The following PIK3R4 variants were observed in gnomAD, a reference collection of about 807,000 sequenced individuals.
PIK3R4 encodes the protein phosphoinositide 3-kinase regulatory subunit 4.
Under a neutral mutation model 136.5 loss-of-function variants are expected in PIK3R4, and 46 were observed. The observed-to-expected ratio is 0.34, with a 90% CI of 0.27 to 0.43. PIK3R4 has a LOEUF of 0.43. Ranked by LOEUF, PIK3R4 falls within the 20% of genes least tolerant of loss-of-function variation. The probability of loss-of-function intolerance (pLI) is 1.00; values close to 1 mark genes in which losing one functional copy is unlikely to be tolerated. For missense variants in PIK3R4, 1,331 were observed against 1,649.5 expected, an observed-to-expected ratio of 0.81 and a Z score of 3.35; for synonymous variants, 557 against 566.7, an observed-to-expected ratio of 0.98 and a Z score of 0.24.
At chr3:130,708,139 C>A in intron 10 of PIK3R4, 152 bp downstream of exon 10, 2 of 623,724 alleles carry the variant, frequency 3.2e-6, no homozygotes, top group South Asian at 4.5e-5. Context: ...TTTTCTTCCC[C>A]AAAATCTCCC....
At chr3:130,725,938 C>T (rs2066728947) in intron 6 of PIK3R4, 1 of 152,076 alleles carries the variant, frequency 6.6e-6, no homozygotes, top group African/African-American at 2.4e-5. Flanking sequence ...CTATTTCACA[C>T]TGGATGGGTG....
intron 14 of PIK3R4, among the ~76,000 whole-genome samples, chr3:130,687,016 C>T (rs1334530923): frequency 6.6e-6 from 1 of 151,068 alleles, no homozygotes; most frequent in Non-Finnish European, 1.5e-5. Context: ...TTAGCATGTA[C>T]AGGTTAATTA....
At chr3:130,683,317 A>G (rs1007483991) in intron 16 of PIK3R4, among the ~76,000 whole-genome samples, 2 of 152,218 alleles carry the variant, frequency 1.3e-5, no homozygotes. Context: ...TTTAGTAGTT[A>G]AAGCATGAGA....
chr3:130,687,259 A>T (rs865880131), intron 14 of PIK3R4, among the ~76,000 whole-genome samples: 3 of 152,240 alleles, frequency 2.0e-5, no homozygotes, highest in Non-Finnish European at 2.9e-5. Flanking sequence ...CCATAAAGTC[A>T]GGTGTGGAAT....
intron 7 of PIK3R4, among the ~76,000 whole-genome samples, 187 bp from the exon 8 acceptor site, chr3:130,718,721 T>A (rs1480995274): frequency 6.6e-6 from 1 of 152,202 alleles, no homozygotes; most frequent in East Asian, 1.9e-4. Context: ...TATAATATTC[T>A]CTTATTATAA....
intron 13 of PIK3R4, among the ~76,000 whole-genome samples, chr3:130,696,194 G>A (rs929243276): frequency 1.3e-5 from 2 of 151,232 alleles, no homozygotes; most frequent in African/African-American, 2.4e-5. Flanking sequence ...TATAGTAAAG[G>A]TGTGCCAATT....
intron 1 of PIK3R4, among the ~76,000 whole-genome samples, chr3:130,745,565 A>T (rs1046538698): frequency 6.6e-6 from 1 of 152,186 alleles, no homozygotes; most frequent in East Asian, 1.9e-4. Flanking sequence ...TAAGCCAAAA[A>T]TGTTAGTTTG....
chr3:130,699,910 T>A (rs546262418), intron 13 of PIK3R4, among the ~76,000 whole-genome samples: 1 of 152,280 alleles, frequency 6.6e-6, no homozygotes, highest in East Asian at 1.9e-4. Flanking sequence ...CATAAAGGCT[T>A]GTGATACATA....
chr3:130,730,407 A>G lies in PIK3R4; in HGVS notation c.1486T>C (p.Phe496Leu). 2 of 1,597,138 alleles carry G rather than the reference A, an allele frequency of 1.3e-6. No homozygotes were observed. Among genetic ancestry groups the G allele is most frequent in the Non-Finnish European group, 1.7e-6 (2 of 1,173,362 alleles). Residue 496 changes from phenylalanine (F) to leucine (L), a missense_variant, in exon 5 of 20, where the codon TTC becomes CTC. Around this residue, in one of 2 missense-constraint regions of PIK3R4, gnomAD observed 1,180 missense variants for 1,407.0 expected, o/e 0.84. Transcript: ENST00000356763. The stretch of plus-strand genomic sequence containing the variant: ...TTTTTTAACTGTACTAATTCCAGGA[A>G]TCTCAGAGCTGTTTCTGCCAGCAGA... Reference protein sequence around the residue: ...IALLAETALRFLELVQLKNLN... With the variant: ...IALLAETALRLLELVQLKNLN...
rs1393276736 is a variant in PIK3R4, at chr3:130,703,863, A to G, written c.2958T>C (p.Val986=). The change falls in exon 13 of 20, where the codon GTT becomes GTC. Residue 986 remains valine (V), a synonymous_variant. Coordinates refer to ENST00000356763, the MANE Select transcript of PIK3R4 (RefSeq NM_014602.3). ...PPGWRPKGLL[V]AHLHEHKSAV... The stretch of plus-strand genomic sequence containing the variant: ...CAGATTTATGCTCATGAAGATGGGC[A>G]ACTAACAGCCCTTTAGGACGCCATC... The G allele has an allele frequency of 6.2e-7, 1 of 1,612,702 alleles. No homozygotes were observed. Among genetic ancestry groups the G allele is most frequent in the Non-Finnish European group, 8.5e-7 (1 of 1,179,038 alleles).
At chr3:130,682,073 G>A (rs1236033666) in intron 16 of PIK3R4, among the ~76,000 whole-genome samples, 1 of 152,202 alleles carries the variant, frequency 6.6e-6, no homozygotes, top group Non-Finnish European at 1.5e-5. Context: ...CCGCCAGCCT[G>A]TGGTAGGCTA....
Position 130,733,933 on chromosome 3 carries a change from G to A in PIK3R4, c.1065C>T (p.His355=). 2 of 1,614,136 alleles carry A rather than the reference G, an allele frequency of 1.2e-6. No individual in the cohort carries two copies. The highest frequency in any genetic ancestry group is 1.7e-6 in the Non-Finnish European group (2 of 1,180,014). The change falls in exon 4 of 20, where the codon CAC becomes CAT. Residue 355 remains histidine (H), a synonymous_variant. Transcript: ENST00000356763. ...CTGGCAGATCATGTCCACAGAGATT[G>A]TGAATAATGTTGCCCAAATCCTTCC... ...VIRKDLGNII[H]NLCGHDLPEK... is the part of the protein sequence containing the mutation.
intron 12 of PIK3R4, 53 bp from the exon 13 acceptor site, chr3:130,703,941 C>G (rs1459185461): frequency 8.8e-7 from 1 of 1,134,030 alleles, no homozygotes; most frequent in Non-Finnish European, 1.3e-6. Context: ...AATACAATGT[C>G]CCCATCATCC....
At chr3:130,732,137 T>C (rs1408408938) in intron 4 of PIK3R4, among the ~76,000 whole-genome samples, 1 of 152,214 alleles carries the variant, frequency 6.6e-6, no homozygotes, top group African/African-American at 2.4e-5. Flanking sequence ...CCGGATACAT[T>C]TGGGTCATGT....
rs1559826760 is a variant in PIK3R4, at chr3:130,718,540, G to A, written c.1982-6C>T. 1 of 1,613,674 alleles carries A rather than the reference G, an allele frequency of 6.2e-7. No individual in the cohort carries two copies. Among genetic ancestry groups the A allele is most frequent in the East Asian group, 2.2e-5 (1 of 44,860 alleles). Reference sequence around the variant, plus strand: ...GGGATGACACAGGAAGGGGGCTAAAGAGGAAAAGAAAAGGTAGGGATCAAA... The same window carrying A: ...GGGATGACACAGGAAGGGGGCTAAAAAGGAAAAGAAAAGGTAGGGATCAAA... On this transcript the variant is annotated splice_polypyrimidine_tract_variant and splice_region_variant and intron_variant, in intron 7 of 19. Transcript: ENST00000356763.
chr3:130,744,106 C>T (rs760743323), intron 2 of PIK3R4, among the ~76,000 whole-genome samples: 4 of 152,194 alleles, frequency 2.6e-5, no homozygotes, highest in Admixed American at 6.5e-5. Context: ...CCTATAGCAG[C>T]ACCCTATGCT....
At chr3:130,724,514 T>C (rs185798744) in intron 6 of PIK3R4, among the ~76,000 whole-genome samples, 32 of 152,210 alleles carry the variant, frequency 2.1e-4, no homozygotes, top group African/African-American at 7.2e-4. Context: ...AATCAGTCTA[T>C]ACATAAAAGA....
intron 7 of PIK3R4, among the ~76,000 whole-genome samples, chr3:130,721,695 C>A (rs1367112681): frequency 6.6e-6 from 1 of 152,026 alleles, no homozygotes; most frequent in Non-Finnish European, 1.5e-5. Flanking sequence ...AAAAGTTGAA[C>A]TCTTAGAAGT....
chr3:130,731,082 T>C (rs2066757795), intron 4 of PIK3R4, among the ~76,000 whole-genome samples: 1 of 152,248 alleles, frequency 6.6e-6, no homozygotes, highest in African/African-American at 2.4e-5. Context: ...GACTGTCTGA[T>C]ATTCCTCACC....
Sources: allele counts gnomAD v4.1 joint callset (sites outside exome capture counted in the v4.1 genomes callset), GRCh38; gene constraint gnomAD v4.1.1; regional missense constraint gnomAD v4.1.1; transcripts MANE v1.5; gene names NCBI Gene and HGNC (gene_info 2026-07-23, HGNC 2026-07-21).